PRELID2: variants seen among roughly 807,000 people sequenced by gnomAD.
PRELID2 encodes PRELI domain containing 2.
Under a neutral mutation model 28.4 loss-of-function variants are expected in PRELID2, and 25 were observed. The observed-to-expected ratio is 0.88, with a 90% CI of 0.64 to 1.23. PRELID2 has a LOEUF of 1.23. Ranked by LOEUF, PRELID2 falls within the 50% of genes most tolerant of loss-of-function variation. PRELID2 has a pLI of 0.00. For missense variants in PRELID2, 201 were observed against 214.4 expected, an observed-to-expected ratio of 0.94 and a Z score of 0.39; for synonymous variants, 76 against 71.6, an observed-to-expected ratio of 1.06 and a Z score of -0.31.
the PRELID2 span, among the ~76,000 whole-genome samples, chr5:145,266,592 G>A: frequency 6.6e-6 from 1 of 152,106 alleles, no homozygotes; most frequent in African/African-American, 2.4e-5. Context: ...CTGTTAGTGG[G>A]AATGTAAACT....
the PRELID2 span, among the ~76,000 whole-genome samples, chr5:145,328,675 G>A: frequency 6.8e-6 from 1 of 146,888 alleles, no homozygotes; most frequent in Non-Finnish European, 1.5e-5. Flanking sequence ...CTCGGTATTA[G>A]CCCTTTGTCA....
chr5:145,772,253 C>T (rs1245104393), intron 5 of PRELID2, among the ~76,000 whole-genome samples: 1 of 151,476 alleles, frequency 6.6e-6, no homozygotes, highest in Admixed American at 6.6e-5. Context: ...TTCAAAATCA[C>T]ACAGTAACTA....
intron 1 of PRELID2, among the ~76,000 whole-genome samples, chr5:145,483,338 C>G (rs548144802): frequency 1.5e-4 from 23 of 152,264 alleles, no homozygotes; most frequent in African/African-American, 5.5e-4. Flanking sequence ...TTTTGGATCC[C>G]CAGAGCCACC....
the PRELID2 span, among the ~76,000 whole-genome samples, chr5:145,364,562 C>T: frequency 1.3e-5 from 2 of 151,926 alleles, no homozygotes; most frequent in Non-Finnish European, 2.9e-5. Flanking sequence ...CACAGTAGTA[C>T]TTAACAAATG....
intron 1 of PRELID2, among the ~76,000 whole-genome samples, chr5:145,596,202 A>G (rs772419030): frequency 3.9e-5 from 6 of 152,008 alleles, no homozygotes; most frequent in Non-Finnish European, 5.9e-5. Flanking sequence ...GGGAGAACTT[A>G]TGTTAATATA....
At chr5:145,394,826 G>A in the PRELID2 span, among the ~76,000 whole-genome samples, 2 of 152,214 alleles carry the variant, frequency 1.3e-5, no homozygotes, top group South Asian at 4.2e-4. Context: ...TGGCTCTGTC[G>A]TTTATCAGTT....
chr5:145,567,050 T>A (rs1396696906), intron 1 of PRELID2, among the ~76,000 whole-genome samples: 1 of 152,202 alleles, frequency 6.6e-6, no homozygotes, highest in Admixed American at 6.5e-5. Flanking sequence ...AGAGTATATA[T>A]ATCATTTTCA....
downstream of PRELID2, among the ~76,000 whole-genome samples, chr5:145,753,626 G>A (rs549704110): frequency 2.5e-4 from 38 of 152,100 alleles, no homozygotes; most frequent in Non-Finnish European, 5.4e-4. Context: ...GGCTTTGGTA[G>A]GAATAACTGC....
chr5:145,749,708 C>G (rs1757080033), intron 1 of PRELID2, among the ~76,000 whole-genome samples: 2 of 152,058 alleles, frequency 1.3e-5, no homozygotes, highest in Admixed American at 1.3e-4. Flanking sequence ...AGTCATGGAA[C>G]CAACTCAAAT....
At chr5:145,654,224 C>G (rs1754350893) in intron 1 of PRELID2, among the ~76,000 whole-genome samples, 1 of 152,128 alleles carries the variant, frequency 6.6e-6, no homozygotes, top group African/African-American at 2.4e-5. Context: ...CTGAATAGAC[C>G]AATAACAGGC....
the PRELID2 span, among the ~76,000 whole-genome samples, chr5:145,340,412 C>T: frequency 6.6e-6 from 1 of 152,126 alleles, no homozygotes; most frequent in African/African-American, 2.4e-5. Flanking sequence ...AAGAACATGT[C>T]CACATGCCCA....
chr5:145,720,809 G>A (rs1356638239), intron 1 of PRELID2, among the ~76,000 whole-genome samples: 1 of 151,988 alleles, frequency 6.6e-6, no homozygotes, highest in Admixed American at 6.6e-5. Context: ...AGAAAAGGGA[G>A]AGGGGAATTG....
At chr5:145,348,408 T>C in the PRELID2 span, among the ~76,000 whole-genome samples, 1 of 152,088 alleles carries the variant, frequency 6.6e-6, no homozygotes, top group Non-Finnish European at 1.5e-5. Flanking sequence ...CCTTTTTCTA[T>C]GCTATAACCA....
chr5:145,520,027 G>T (rs1344921654), intron 1 of PRELID2, among the ~76,000 whole-genome samples: 5 of 152,140 alleles, frequency 3.3e-5, no homozygotes, highest in African/African-American at 1.2e-4. Context: ...AAGTAGTCAG[G>T]ATTCCGACCA....
At chr5:145,444,307 G>C in the PRELID2 span, among the ~76,000 whole-genome samples, 3 of 152,054 alleles carry the variant, frequency 2.0e-5, 1 homozygote, top group Non-Finnish European at 4.4e-5. Context: ...GGACTCGAAA[G>C]ATAGATATTA....
At chr5:145,772,587 G>A (rs1178512043) in intron 5 of PRELID2, among the ~76,000 whole-genome samples, 1 of 152,190 alleles carries the variant, frequency 6.6e-6, no homozygotes, top group Non-Finnish European at 1.5e-5. Context: ...CCAAGAGATT[G>A]AACTCACAGT....
At chr5:145,278,418 G>T in the PRELID2 span, among the ~76,000 whole-genome samples, 1 of 152,130 alleles carries the variant, frequency 6.6e-6, no homozygotes, top group East Asian at 1.9e-4. Flanking sequence ...CCAAATTCAT[G>T]AAGTCATTGG....
At chr5:145,378,192 G>T in the PRELID2 span, among the ~76,000 whole-genome samples, 1 of 152,134 alleles carries the variant, frequency 6.6e-6, no homozygotes, top group African/African-American at 2.4e-5. Flanking sequence ...CAAATGGCCT[G>T]ACCTTTCTTT....
chr5:145,424,577 G>A, the PRELID2 span, among the ~76,000 whole-genome samples: 1 of 152,174 alleles, frequency 6.6e-6, no homozygotes, highest in Non-Finnish European at 1.5e-5. Flanking sequence ...GTGAGGCAAT[G>A]CCTCACCCTG....
Sources: gnomAD v4.1 joint callset for allele counts (sites outside exome capture counted in the v4.1 genomes callset) on GRCh38, gnomAD v4.1.1 for gene constraint, MANE v1.5 for transcripts, NCBI Gene and HGNC (gene_info 2026-07-23, HGNC 2026-07-21) for gene names.